TCF25: variants seen among roughly 807,000 people sequenced by gnomAD.
The protein encoded by TCF25 is ribosome quality control complex subunit TCF25.
Under a neutral mutation model 83.1 loss-of-function variants are expected in TCF25, and 41 were observed. The ratio of observed to expected loss-of-function variants is 0.49; its 90% confidence interval spans 0.38 to 0.64. The LOEUF (loss-of-function observed/expected upper bound fraction) is 0.64, where lower values mean the gene tolerates loss of function less well. TCF25 is among the 30% of genes least tolerant of loss of function. The pLI is 0.00. For synonymous variants in TCF25, 458 were observed against 365.0 expected (o/e 1.25, Z -2.90); for missense variants, 979 against 914.5 (o/e 1.07, Z -0.91).
intron 1 of TCF25, among the ~76,000 whole-genome samples, chr16:89,877,776 T>C (rs2042307143): frequency 6.6e-6 from 1 of 152,156 alleles, no homozygotes; most frequent in Non-Finnish European, 1.5e-5. Flanking sequence ...TCCAGGTACG[T>C]TACCATTTTC....
At chr16:89,897,633 G>A (rs748992094) in intron 9 of TCF25, among the ~76,000 whole-genome samples, 4 of 152,252 alleles carry the variant, frequency 2.6e-5, no homozygotes, top group Middle Eastern at 3.4e-3. Flanking sequence ...AATATTTCCC[G>A]ACGCGAAAGA....
At chr16:89,904,086 G>A (rs992911806) in intron 12 of TCF25, 32 bp from the exon 13 acceptor site, 5 of 1,587,772 alleles carry the variant, frequency 3.1e-6, no homozygotes, top group African/African-American at 2.7e-5. Flanking sequence ...TGTGTGCTGA[G>A]GGCCCCCACA....
chr16:89,875,483 G>C (rs556861014), intron 1 of TCF25, among the ~76,000 whole-genome samples: 1 of 146,148 alleles, frequency 6.8e-6, no homozygotes, highest in Non-Finnish European at 1.5e-5. Context: ...TCTCTCTAGA[G>C]TGTCTTCACA....
chr16:89,895,259 C>A, intron 8 of TCF25, 122 bp downstream of exon 8: 1 of 855,574 alleles, frequency 1.2e-6, no homozygotes, highest in Non-Finnish European at 1.8e-6. Context: ...TATTGAGATA[C>A]AACCTACGTA....
At chr16:89,901,246 G>A (rs2044298056) in intron 12 of TCF25, among the ~76,000 whole-genome samples, 1 of 152,242 alleles carries the variant, frequency 6.6e-6, no homozygotes, top group Admixed American at 6.5e-5. Context: ...ACTGCATCTG[G>A]GTAGCTTCGA....
chr16:89,910,548 CT>C, intron 16 of TCF25, 42 bp from the exon 17 acceptor site: 1 of 1,606,148 alleles, frequency 6.2e-7, no homozygotes, highest in Non-Finnish European at 8.5e-7. Flanking sequence ...TCCCACGAGT[CT>C]CAGTTCAGTG....
At chr16:89,892,391 C>CG (rs373821441) in intron 6 of TCF25, 116 bp downstream of exon 6, 139 of 303,474 alleles carry the variant, frequency 4.6e-4, no homozygotes, top group African/African-American at 2.4e-3. Flanking sequence ...TGGAGGGCGG[C>CG]GGGGGGGTGT....
chr16:89,887,275 G>C (rs2043087243), intron 4 of TCF25, among the ~76,000 whole-genome samples: 1 of 151,908 alleles, frequency 6.6e-6, no homozygotes, highest in Non-Finnish European at 1.5e-5. Context: ...ATGAATCGCT[G>C]TCCCTACTTC....
intron 1 of TCF25, 97 bp downstream of exon 1, chr16:89,873,956 C>G: frequency 7.3e-7 from 1 of 1,363,258 alleles, no homozygotes; most frequent in South Asian, 1.5e-5. Flanking sequence ...GTTGTGATGC[C>G]AGGGGTGGGA....
Position 89,884,659 on chromosome 16 carries a change from A to G in TCF25, c.429+3A>G. On this transcript the variant is annotated splice_donor_region_variant and intron_variant, in intron 3 of 17. Coordinates refer to ENST00000263346, the MANE Select transcript of TCF25 (RefSeq NM_014972.3). ...AAAGCAGCACGGGAGAAGCATCGGT[A>G]CGTGAGTTGGGCCTGGCTGTGCTCT... 1 of 1,611,406 alleles carries G rather than the reference A, an allele frequency of 6.2e-7. No homozygotes were observed. The highest frequency in any genetic ancestry group is 8.5e-7 in the Non-Finnish European group (1 of 1,178,470).
intron 13 of TCF25, 186 bp from the exon 14 acceptor site, chr16:89,904,752 G>A: frequency 1.4e-6 from 1 of 737,172 alleles, no homozygotes; most frequent in Non-Finnish European, 2.4e-6. Context: ...TGCCCAACAG[G>A]CTCACGGCAC....
At chr16:89,909,130 CAT>C (rs1367097270) in intron 16 of TCF25, 21 of 1,284,962 alleles carry the variant, frequency 1.6e-5, no homozygotes, top group African/African-American at 1.2e-4. Context: ...GTGGGGAAAA[CAT>C]ATTAATTTTA....
At position 89,896,053 on chromosome 16, in the gene TCF25, G is replaced by C; in HGVS notation, c.992G>C (p.Cys331Ser). The stretch of plus-strand genomic sequence containing the variant: ...CTGTTCAGTCTCACCAGTGGGGCCT[G>C]CCGGCTGGATTACCGCAGACCCGAG... ...HPLFSLTSGA[C>S]RLDYRRPENR... Residue 331 changes from cysteine (C) to serine (S), a missense_variant, in exon 9 of 18, where the codon TGC becomes TCC. Cys to Ser is a moderately radical substitution (Grantham distance 112, BLOSUM62 -1). Transcript: ENST00000263346. 1 of 1,613,834 alleles carries C rather than the reference G, an allele frequency of 6.2e-7. No homozygotes were observed. Among genetic ancestry groups the C allele is most frequent in the Non-Finnish European group, 8.5e-7 (1 of 1,179,984 alleles).
At chr16:89,895,332 G>A (rs1448136183) in intron 8 of TCF25, among the ~76,000 whole-genome samples, 195 bp downstream of exon 8, 1 of 152,038 alleles carries the variant, frequency 6.6e-6, no homozygotes, top group Non-Finnish European at 1.5e-5. Context: ...ACAGCCTCCC[G>A]AGTAGCTGGG....
intron 5 of TCF25, among the ~76,000 whole-genome samples, chr16:89,888,252 C>T (rs903617069): frequency 6.7e-6 from 1 of 150,200 alleles, no homozygotes; most frequent in Non-Finnish European, 1.5e-5. Context: ...GCCGACAGAG[C>T]GAGACCGTGT....
Position 89,911,160 on chromosome 16 carries a change from C to T in TCF25, c.1953C>T (p.Asp651=), listed in dbSNP as rs779595190. Residue 651 remains aspartate (D), a synonymous_variant, in exon 18 of 18, where the codon GAC becomes GAT. Transcript: ENST00000263346. ...GLNRLMLAVR[D]MMANFHLNDL... ...ACAGGCTGATGCTGGCTGTGCGCGACATGATGGCCAACTTCCACCTCAACG... is the reference window on the plus strand; with the variant it reads ...ACAGGCTGATGCTGGCTGTGCGCGATATGATGGCCAACTTCCACCTCAACG... 5.6e-6 allele frequency: 9 copies of T among 1,612,290 alleles called. No homozygotes were observed. In the Admixed American group the frequency reaches 1.3e-4, roughly 24 times the overall value.
intron 8 of TCF25, among the ~76,000 whole-genome samples, 172 bp from the exon 9 acceptor site, chr16:89,895,818 A>G (rs1424903101): frequency 4.6e-5 from 7 of 152,234 alleles, no homozygotes; most frequent in Admixed American, 3.9e-4. Context: ...TGGTTGAAAT[A>G]AATGCAGCGT....
At chr16:89,876,403 G>C (rs1452850096) in intron 1 of TCF25, among the ~76,000 whole-genome samples, 2 of 152,186 alleles carry the variant, frequency 1.3e-5, no homozygotes, top group African/African-American at 4.8e-5. Flanking sequence ...GAATGCATTG[G>C]TGAGAGACAT....
At chr16:89,903,414 T>C (rs1952170090) in intron 12 of TCF25, among the ~76,000 whole-genome samples, 1 of 152,252 alleles carries the variant, frequency 6.6e-6, no homozygotes, top group Admixed American at 6.5e-5. Context: ...CTCACGCCTG[T>C]AATCCCAGCA....
Sources: gnomAD v4.1 joint callset for allele counts (sites outside exome capture counted in the v4.1 genomes callset) on GRCh38, gnomAD v4.1.1 for gene constraint, MANE v1.5 for transcripts, NCBI Gene and HGNC (gene_info 2026-07-23, HGNC 2026-07-21) for gene names.